Variants in HDAC9 observed in about 807,000 individuals in gnomAD.
HDAC9 encodes histone deacetylase 9.
HDAC9 carries 41 observed loss-of-function variants against 139.4 expected under a neutral mutation model. The observed-to-expected ratio is 0.29, with a 90% CI of 0.23 to 0.38. The LOEUF is 0.38. HDAC9 is among the 10% of genes least tolerant of loss of function. HDAC9 has a pLI of 1.00. For missense variants in HDAC9, 1,147 were observed against 1,297.0 expected, an observed-to-expected ratio of 0.88 and a Z score of 1.78; for synonymous variants, 517 against 476.2, an observed-to-expected ratio of 1.09 and a Z score of -1.12.
At chr7:18,212,927 T>C (rs914507546) in intron 2 of HDAC9, among the ~76,000 whole-genome samples, 1 of 152,226 alleles carries the variant, frequency 6.6e-6, no homozygotes, top group Non-Finnish European at 1.5e-5. Context: ...AGTTCTGAGA[T>C]GCTGCTTAAT....
At chr7:18,879,926 A>C (rs1318370383) in intron 22 of HDAC9, among the ~76,000 whole-genome samples, 1 of 152,200 alleles carries the variant, frequency 6.6e-6, no homozygotes, top group Non-Finnish European at 1.5e-5. Context: ...ACAAAGGTCT[A>C]ATATTCAGCA....
rs527661659 is a variant in HDAC9, at chr7:18,711,489, AGT to A, written c.1732-16088_1732-16087del. Reference sequence around the variant, plus strand: ...TCACAATAGTCCTAACACCATAATCAGTGTCTCTCAGGTACTTCCGGGTCTTC... The same window carrying A: ...TCACAATAGTCCTAACACCATAATCAGTCTCTCAGGTACTTCCGGGTCTTC... On this transcript the variant is annotated intron_variant, in intron 12 of 25. Transcript: ENST00000686413. 9.9e-4 allele frequency among the ~76,000 whole-genome samples: 151 copies of A among 152,272 alleles called. No individual in the cohort carries two copies. In the Middle Eastern group the frequency reaches 0.01, roughly 10 times the overall value.
At chr7:18,648,251 G>A (rs561853214) in intron 10 of HDAC9, among the ~76,000 whole-genome samples, 6 of 152,112 alleles carry the variant, frequency 3.9e-5, no homozygotes, top group East Asian at 1.9e-4. Context: ...GGTCAGATGC[G>A]TACCTGTCCA....
At chr7:18,637,750 A>G (rs1784348732) in intron 8 of HDAC9, among the ~76,000 whole-genome samples, 1 of 152,032 alleles carries the variant, frequency 6.6e-6, no homozygotes, top group Non-Finnish European at 1.5e-5. Context: ...CAGAACAAAA[A>G]ATGCAACCCT....
intron 2 of HDAC9, among the ~76,000 whole-genome samples, chr7:18,578,610 A>G (rs559501851): frequency 1.3e-5 from 2 of 152,162 alleles, no homozygotes; most frequent in Non-Finnish European, 1.5e-5. Flanking sequence ...TTTTTTGGGG[A>G]CATTTATCAG....
At chr7:18,885,710 T>C (rs572326624) in intron 22 of HDAC9, among the ~76,000 whole-genome samples, 14 of 152,230 alleles carry the variant, frequency 9.2e-5, no homozygotes, top group Non-Finnish European at 1.6e-4. Flanking sequence ...CTATAGAAGC[T>C]TCTCTGAATT....
rs1315533238 is a variant in HDAC9, at chr7:18,135,900, C to G, written c.-96-26329C>G. 3.2e-5 allele frequency among the ~76,000 whole-genome samples: 4 copies of G among 125,480 alleles called. No individual in the cohort carries two copies. In the South Asian group the frequency reaches 1.1e-3, roughly 35 times the overall value. The allele number at this position is 125,480 out of a possible 152,430, so 82.3% of individuals were successfully genotyped here. A position where few individuals can be genotyped will look rare whatever the true frequency, so the allele number is the denominator to read the frequency against. On this transcript the variant is annotated intron_variant, in intron 1 of 12. Transcript: ENST00000417496. ...CACACTGACTTCGACAATGGTTGAA[C>G]TAGTTTACAGTCCCACCAACAGTGT... is the stretch of plus-strand genomic sequence containing the variant.
intron 12 of HDAC9, among the ~76,000 whole-genome samples, chr7:18,717,279 C>T (rs1784772672): frequency 6.6e-6 from 1 of 152,106 alleles, no homozygotes; most frequent in Admixed American, 6.5e-5. Context: ...GTGCACCGCA[C>T]TTGCGTACTA....
chr7:18,886,142 A>G (rs1275320216), intron 22 of HDAC9, among the ~76,000 whole-genome samples: 1 of 152,100 alleles, frequency 6.6e-6, no homozygotes, highest in Admixed American at 6.5e-5. Context: ...ATTCAAGTGA[A>G]TGAGTGCTCC....
chr7:18,749,719 C>T (rs1456319492), intron 14 of HDAC9, among the ~76,000 whole-genome samples: 1 of 152,054 alleles, frequency 6.6e-6, no homozygotes, highest in African/African-American at 2.4e-5. Flanking sequence ...TTTATGCTTT[C>T]AAAGGTTAAA....
chr7:18,634,252 G>C (rs1783207852), intron 7 of HDAC9, among the ~76,000 whole-genome samples: 1 of 151,738 alleles, frequency 6.6e-6, no homozygotes, highest in Non-Finnish European at 1.5e-5. Flanking sequence ...CTTGTCTTTT[G>C]ATGTGCACAA....
chr7:18,615,422 T>C (rs1419967374), intron 6 of HDAC9, among the ~76,000 whole-genome samples: 1 of 152,222 alleles, frequency 6.6e-6, no homozygotes, highest in African/African-American at 2.4e-5. Flanking sequence ...ATTGCTTTTC[T>C]TGGCTATTTA....
chr7:18,392,481 C>CTAATGAT (rs1786625410), intron 1 of HDAC9, among the ~76,000 whole-genome samples: 1 of 151,568 alleles, frequency 6.6e-6, no homozygotes, highest in African/African-American at 2.4e-5. Flanking sequence ...TGTTAAAATC[C>CTAATGAT]GTTACTGGTA....
intron 1 of HDAC9, among the ~76,000 whole-genome samples, chr7:18,117,055 G>A (rs1286305705): frequency 6.6e-6 from 1 of 152,076 alleles, no homozygotes; most frequent in East Asian, 1.9e-4. Flanking sequence ...AAACCAAACC[G>A]CAACATTATA....
chr7:18,395,752 T>C (rs1786970160), intron 1 of HDAC9, among the ~76,000 whole-genome samples: 1 of 152,126 alleles, frequency 6.6e-6, no homozygotes, highest in South Asian at 2.1e-4. Flanking sequence ...ACTCAACCAC[T>C]GTTCTCCCAA....
At chr7:18,804,394 C>T (rs983241575) in intron 17 of HDAC9, among the ~76,000 whole-genome samples, 22 of 152,074 alleles carry the variant, frequency 1.4e-4, no homozygotes, top group African/African-American at 5.1e-4. Context: ...CACACAAACA[C>T]GCTGTGGTTC....
At chr7:18,261,508 A>G (rs1249063100) in intron 2 of HDAC9, among the ~76,000 whole-genome samples, 11 of 152,172 alleles carry the variant, frequency 7.2e-5, no homozygotes. Flanking sequence ...ATAGTCACAC[A>G]AGTCCAGAAA....
At chr7:18,585,657 G>T in intron 3 of HDAC9, 135 bp downstream of exon 3, 3 of 1,188,132 alleles carry the variant, frequency 2.5e-6, no homozygotes, top group Non-Finnish European at 3.5e-6. Flanking sequence ...AGGGAATTGT[G>T]ATTTTACTAG....
At chr7:18,378,256 T>TTAC (rs1554397749) in intron 1 of HDAC9, among the ~76,000 whole-genome samples, 10 of 152,154 alleles carry the variant, frequency 6.6e-5, no homozygotes, top group African/African-American at 2.4e-4. Flanking sequence ...GTCAAAACTA[T>TTAC]TAGAAACTTT....
Sources: gnomAD v4.1 joint callset for allele counts (sites outside exome capture counted in the v4.1 genomes callset) on GRCh38, gnomAD v4.1.1 for gene constraint, MANE v1.5 for transcripts, NCBI Gene and HGNC (gene_info 2026-07-23, HGNC 2026-07-21) for gene names.